BLTP3A: variants seen among roughly 807,000 people sequenced by gnomAD.
BLTP3A encodes ICBP90 binding protein 1.
At chr6:34,799,432 G>A in the BLTP3A span, among the ~76,000 whole-genome samples, 1 of 151,848 alleles carries the variant, frequency 6.6e-6, no homozygotes, top group African/African-American at 2.4e-5. Context: ...TGAGGCTGCA[G>A]TGAGCTAAGG....
the BLTP3A span, among the ~76,000 whole-genome samples, chr6:34,805,011 A>G: frequency 1.3e-5 from 2 of 152,286 alleles, no homozygotes; most frequent in Non-Finnish European, 2.9e-5. Flanking sequence ...TAAAATGTAT[A>G]GGCCGGGCAC....
the BLTP3A span, among the ~76,000 whole-genome samples, chr6:34,872,112 C>T: frequency 1.4e-4 from 21 of 152,174 alleles, no homozygotes; most frequent in Non-Finnish European, 2.1e-4. Flanking sequence ...GAGCTGGAGA[C>T]GAATGGTTGC....
the BLTP3A span, chr6:34,872,322 C>G: frequency 5.0e-6 from 8 of 1,606,030 alleles, no homozygotes; most frequent in African/African-American, 1.1e-4. Flanking sequence ...GGTGAAAGAA[C>G]TGCCTATCCT....
chr6:34,858,568 C>T, the BLTP3A span: 3 of 1,614,094 alleles, frequency 1.9e-6, no homozygotes, highest in South Asian at 2.2e-5. Context: ...GCAGCAAGCC[C>T]AGGCACGGAA....
the BLTP3A span, among the ~76,000 whole-genome samples, chr6:34,831,976 A>G: frequency 2.0e-5 from 3 of 151,520 alleles, no homozygotes; most frequent in Admixed American, 2.0e-4. Flanking sequence ...CACCACGCCT[A>G]GCTAATTTTT....
the BLTP3A span, among the ~76,000 whole-genome samples, chr6:34,841,028 T>C: frequency 6.6e-6 from 1 of 152,210 alleles, no homozygotes; most frequent in Non-Finnish European, 1.5e-5. Flanking sequence ...CAGTAGAGGC[T>C]CACTACATTC....
chr6:34,808,190 C>A, the BLTP3A span, among the ~76,000 whole-genome samples: 1 of 150,528 alleles, frequency 6.6e-6, no homozygotes, highest in Non-Finnish European at 1.5e-5. Flanking sequence ...CTGAAAATAC[C>A]AAATTAGCTG....
At chr6:34,861,265 A>T in the BLTP3A span, among the ~76,000 whole-genome samples, 5 of 151,984 alleles carry the variant, frequency 3.3e-5, no homozygotes, top group Non-Finnish European at 5.9e-5. Flanking sequence ...AGCTGGGACC[A>T]CAGGCATGCG....
chr6:34,866,744 C>T, the BLTP3A span, among the ~76,000 whole-genome samples: 1 of 152,142 alleles, frequency 6.6e-6, no homozygotes, highest in Non-Finnish European at 1.5e-5. Flanking sequence ...CTCCTCATTT[C>T]CCCTCCCCTC....
At chr6:34,834,868 G>A in the BLTP3A span, 1 of 1,612,274 alleles carries the variant, frequency 6.2e-7, no homozygotes, top group Admixed American at 1.7e-5. Flanking sequence ...AAGAGTAAGT[G>A]TGTTCTCTGG....
chr6:34,867,517 C>T, the BLTP3A span: 125 of 1,613,996 alleles, frequency 7.7e-5, 1 homozygote, highest in South Asian at 8.3e-4. Flanking sequence ...GATTGAGGTA[C>T]GTGGTGAGGA....
chr6:34,835,883 A>G, the BLTP3A span, among the ~76,000 whole-genome samples: 2 of 152,234 alleles, frequency 1.3e-5, no homozygotes, highest in Non-Finnish European at 2.9e-5. Context: ...TTTTAGCATC[A>G]GTCCACTAAG....
the BLTP3A span, among the ~76,000 whole-genome samples, chr6:34,833,797 C>G: frequency 4.6e-5 from 7 of 151,682 alleles, no homozygotes; most frequent in Non-Finnish European, 7.4e-5. Flanking sequence ...AGTGGTGGCG[C>G]GTGGCTCCCA....
At chr6:34,823,372 T>C in the BLTP3A span, 1 of 1,584,582 alleles carries the variant, frequency 6.3e-7, no homozygotes, top group Admixed American at 1.7e-5. Flanking sequence ...AACCCTGTTA[T>C]TTCCAACATA....
At chr6:34,793,542 T>G in the BLTP3A span, among the ~76,000 whole-genome samples, 1 of 152,216 alleles carries the variant, frequency 6.6e-6, no homozygotes, top group Non-Finnish European at 1.5e-5. Context: ...TCTGAGACTT[T>G]AATTAGTAAT....
the BLTP3A span, among the ~76,000 whole-genome samples, chr6:34,830,927 T>C: frequency 6.6e-6 from 1 of 152,176 alleles, no homozygotes; most frequent in South Asian, 2.1e-4. Context: ...ATTTATATTT[T>C]TCTGACGATT....
the BLTP3A span, chr6:34,872,423 C>T: frequency 6.2e-7 from 1 of 1,609,184 alleles, no homozygotes; most frequent in Non-Finnish European, 8.5e-7. Flanking sequence ...AATATAACCC[C>T]TTCTTTGAGC....
At chr6:34,836,380 G>T in the BLTP3A span, 21 of 1,596,450 alleles carry the variant, frequency 1.3e-5, no homozygotes, top group Non-Finnish European at 1.6e-5. Flanking sequence ...TGGGCTGGGT[G>T]GTCCACGTCA....
the BLTP3A span, among the ~76,000 whole-genome samples, chr6:34,838,753 T>C: frequency 3.9e-5 from 6 of 152,302 alleles, no homozygotes; most frequent in East Asian, 1.2e-3. Context: ...AAGACCAGCC[T>C]GGGCAACATC....
Sources: gnomAD v4.1 joint callset for allele counts (sites outside exome capture counted in the v4.1 genomes callset) on GRCh38, gnomAD v4.1.1 for gene constraint, MANE v1.5 for transcripts, NCBI Gene and HGNC (gene_info 2026-07-23, HGNC 2026-07-21) for gene names.